The following ADAMTS19 variants were observed in gnomAD, a reference collection of about 807,000 sequenced individuals.
The protein encoded by ADAMTS19 is A disintegrin and metalloproteinase with thrombospondin motifs 19.
A neutral mutation model predicts 153.3 loss-of-function variants in ADAMTS19; 93 were observed. The ratio of observed to expected loss-of-function variants is 0.61; its 90% confidence interval spans 0.51 to 0.72. The LOEUF is 0.72. Ranked by LOEUF, ADAMTS19 falls within the 30% of genes least tolerant of loss-of-function variation. The pLI, the probability that ADAMTS19 is intolerant of heterozygous loss-of-function variation, is 0.00. For synonymous variants in ADAMTS19, 600 were observed against 556.6 expected, an observed-to-expected ratio of 1.08 and a Z score of -1.10; for missense variants, 1,482 against 1,552.1, an observed-to-expected ratio of 0.95 and a Z score of 0.76.
At chr5:129,487,035 A>T (rs1369902348) in intron 2 of ADAMTS19, among the ~76,000 whole-genome samples, 5 of 152,152 alleles carry the variant, frequency 3.3e-5, no homozygotes, top group Non-Finnish European at 7.4e-5. Context: ...TTCACATACT[A>T]TTTCAGCTTT....
At chr5:129,618,536 A>G (rs1198461473) in intron 8 of ADAMTS19, among the ~76,000 whole-genome samples, 2 of 151,986 alleles carry the variant, frequency 1.3e-5, no homozygotes, top group Non-Finnish European at 2.9e-5. Context: ...TTTAATTTTA[A>G]CAATTTTGAT....
chr5:129,676,282 C>T (rs1754546695), intron 16 of ADAMTS19, among the ~76,000 whole-genome samples: 2 of 152,132 alleles, frequency 1.3e-5, no homozygotes, highest in Non-Finnish European at 2.9e-5. Flanking sequence ...AACTTACTTG[C>T]AGATCAGCTT....
intron 8 of ADAMTS19, among the ~76,000 whole-genome samples, chr5:129,612,403 A>C (rs1237326637): frequency 6.6e-6 from 1 of 152,088 alleles, no homozygotes; most frequent in Non-Finnish European, 1.5e-5. Flanking sequence ...CTTAAAGAAA[A>C]GAATTTTCAA....
chr5:129,509,202 G>C lies in ADAMTS19; in HGVS notation c.873G>C (p.Glu291Asp). The C allele has an allele frequency of 6.2e-7, 1 of 1,612,132 alleles. No individual in the cohort carries two copies. Among genetic ancestry groups the C allele is most frequent in the Non-Finnish European group, 8.5e-7 (1 of 1,178,644 alleles). ...GGTCCATGGAGGAAAAGGTCACAGA[G>C]AAGTCAGCTCTTCACAGTCATTACT... is the stretch of plus-strand genomic sequence containing the variant. Reference protein sequence around the residue: ...QKRSMEEKVTEKSALHSHYCG... With the variant: ...QKRSMEEKVTDKSALHSHYCG... The change falls in exon 3 of 23, where the codon GAG (glutamate) becomes GAC (aspartate). Residue 291 changes from glutamate to aspartate, a missense_variant. Physicochemically the swap from Glu to Asp is conservative, Grantham distance 45. Coordinates refer to ENST00000274487, the MANE Select transcript of ADAMTS19 (RefSeq NM_133638.6).
chr5:129,620,749 G>T lies in ADAMTS19; in HGVS notation c.1610G>T (p.Arg537Ile), dbSNP rs759195313. ...WSRCSKEDLE[R>I]FLRSKASNCL... Reference sequence around the variant, plus strand: ...CGATGTAGCAAGGAAGATTTGGAAAGATTTCTCAGGTATGGAGGTCACTTA... The same window carrying T: ...CGATGTAGCAAGGAAGATTTGGAAATATTTCTCAGGTATGGAGGTCACTTA... Residue 537 changes from arginine to isoleucine, a missense_variant, in exon 9 of 23, where the codon AGA becomes ATA. Arg to Ile is a moderately conservative substitution (Grantham distance 97, BLOSUM62 -3). Transcript: ENST00000274487. 4 of 1,612,226 alleles carry T rather than the reference G, an allele frequency of 2.5e-6. No individual in the cohort carries two copies. In the South Asian group the frequency reaches 4.4e-5, roughly 18 times the overall value.
intron 16 of ADAMTS19, among the ~76,000 whole-genome samples, chr5:129,666,928 TA>T (rs1273607923): frequency 6.6e-6 from 1 of 152,168 alleles, no homozygotes; most frequent in African/African-American, 2.4e-5. Context: ...AATTCTAAAT[TA>T]TAATATGGGT....
At chr5:129,612,638 C>G (rs1196019379) in intron 8 of ADAMTS19, among the ~76,000 whole-genome samples, 1 of 152,042 alleles carries the variant, frequency 6.6e-6, no homozygotes, top group Non-Finnish European at 1.5e-5. Flanking sequence ...AACTAAAGAG[C>G]AAAATAACCA....
chr5:129,571,174 T>G (rs959373217), intron 7 of ADAMTS19, among the ~76,000 whole-genome samples: 4 of 151,768 alleles, frequency 2.6e-5, no homozygotes, highest in Non-Finnish European at 5.9e-5. Flanking sequence ...AAGGCATGTA[T>G]GAAAAAACTC....
At chr5:129,707,838 G>A (rs1181973666) in intron 21 of ADAMTS19, among the ~76,000 whole-genome samples, 2 of 152,138 alleles carry the variant, frequency 1.3e-5, no homozygotes, top group Non-Finnish European at 2.9e-5. Flanking sequence ...AATATTAAAT[G>A]TACAATTTTT....
intron 18 of ADAMTS19, among the ~76,000 whole-genome samples, chr5:129,685,673 G>A (rs1399731037): frequency 6.6e-6 from 1 of 152,162 alleles, no homozygotes; most frequent in African/African-American, 2.4e-5. Flanking sequence ...GGTAACTCAG[G>A]AATGTTGCTG....
At chr5:129,628,516 A>C (rs1459255491) in intron 10 of ADAMTS19, among the ~76,000 whole-genome samples, 1 of 152,114 alleles carries the variant, frequency 6.6e-6, no homozygotes, top group Non-Finnish European at 1.5e-5. Context: ...GGCTGAGATT[A>C]GACGGTTGAT....
intron 3 of ADAMTS19, among the ~76,000 whole-genome samples, chr5:129,516,108 A>C (rs1248486756): frequency 6.6e-6 from 1 of 151,876 alleles, no homozygotes; most frequent in Non-Finnish European, 1.5e-5. Context: ...CAAATGTTGA[A>C]CCATCCTTGC....
rs370325206 is a variant in ADAMTS19, at chr5:129,701,242, G to T, written c.2955-146G>T. The T allele has an allele frequency of 1.3e-4, 107 of 854,884 alleles. No individual in the cohort carries two copies. The African/African-American group carries it at 1.7e-3, about 14-fold the overall frequency. The allele number at this position is 854,884 out of a possible 1,614,324, so 53.0% of individuals were successfully genotyped here. On this transcript the variant is annotated intron_variant, in intron 19 of 22. Transcript: ENST00000274487. ...CATGATTGTGAGTGAGGCCTCCCCA[G>T]CCACATGGAACTGTGTCAATTGGAC...
intron 11 of ADAMTS19, among the ~76,000 whole-genome samples, chr5:129,647,421 A>G (rs577960092): frequency 2.7e-4 from 41 of 151,954 alleles, no homozygotes; most frequent in African/African-American, 9.4e-4. Context: ...CTTTTAAATT[A>G]TTATCGGTTT....
intron 6 of ADAMTS19, among the ~76,000 whole-genome samples, chr5:129,541,357 T>C (rs10073977): frequency 0.49 from 74,152 of 151,622 alleles, 21,233 homozygotes; most frequent in African/African-American, 0.8. Context: ...ATGTTGCAGG[T>C]TCATGCATCA....
At chr5:129,685,431 A>G (rs1421866919) in intron 18 of ADAMTS19, among the ~76,000 whole-genome samples, 1 of 152,086 alleles carries the variant, frequency 6.6e-6, no homozygotes, top group African/African-American at 2.4e-5. Flanking sequence ...GAGTATTAGA[A>G]GAAGGAGGGA....
At chr5:129,615,045 A>T (rs935834759) in intron 8 of ADAMTS19, among the ~76,000 whole-genome samples, 1 of 148,366 alleles carries the variant, frequency 6.7e-6, no homozygotes, top group South Asian at 2.2e-4. Context: ...GAGGATACAA[A>T]CAAATGGAAG....
At chr5:129,476,925 G>A (rs1009128378) in intron 2 of ADAMTS19, among the ~76,000 whole-genome samples, 9 of 152,096 alleles carry the variant, frequency 5.9e-5, no homozygotes, top group Non-Finnish European at 1.2e-4. Flanking sequence ...ATCATTTTTG[G>A]AAGTGAACAT....
At chr5:129,593,003 T>C (rs1423231996) in intron 7 of ADAMTS19, among the ~76,000 whole-genome samples, 2 of 152,176 alleles carry the variant, frequency 1.3e-5, no homozygotes, top group African/African-American at 4.8e-5. Context: ...TTATAAACTA[T>C]TGGCTTTATC....
Sources: gnomAD v4.1 joint callset for allele counts (sites outside exome capture counted in the v4.1 genomes callset) on GRCh38, gnomAD v4.1.1 for gene constraint, MANE v1.5 for transcripts, NCBI Gene and HGNC (gene_info 2026-07-23, HGNC 2026-07-21) for gene names.